Variants in MDGA1 observed in about 807,000 individuals in gnomAD.
The protein encoded by MDGA1 is MAM domain-containing glycosylphosphatidylinositol anchor protein 1.
In MDGA1, 54 loss-of-function variants were observed where a neutral mutation model predicts 101.5. That is an observed-to-expected ratio of 0.53 (90% CI 0.43 to 0.67). MDGA1 has a LOEUF of 0.67. MDGA1 is among the 30% of genes least tolerant of loss of function. MDGA1 has a pLI of 0.00. For missense variants in MDGA1, 1,083 were observed against 1,323.8 expected (o/e 0.82, Z 2.82); for synonymous variants, 533 against 558.3 (o/e 0.95, Z 0.64).
chr6:37,678,259 TCTC>T (rs1430287976), intron 1 of MDGA1, among the ~76,000 whole-genome samples: 1 of 152,132 alleles, frequency 6.6e-6, no homozygotes, highest in African/African-American at 2.4e-5. Flanking sequence ...CCATGACTTT[TCTC>T]CTCCTCCCAC....
At chr6:37,656,564 G>A (rs889688163) in intron 3 of MDGA1, among the ~76,000 whole-genome samples, 4 of 151,734 alleles carry the variant, frequency 2.6e-5, no homozygotes, top group East Asian at 1.9e-4. Context: ...GTACAGACAG[G>A]GTTTCACCAT....
intron 3 of MDGA1, among the ~76,000 whole-genome samples, chr6:37,657,250 A>C (rs1411568080): frequency 6.6e-6 from 1 of 152,218 alleles, no homozygotes; most frequent in Admixed American, 6.5e-5. Flanking sequence ...AGCCCCAGGC[A>C]TCCGTTTTTT....
At chr6:37,673,598 C>T (rs564907441) in intron 1 of MDGA1, among the ~76,000 whole-genome samples, 1 of 152,144 alleles carries the variant, frequency 6.6e-6, no homozygotes, top group African/African-American at 2.4e-5. Context: ...ATTAGCCCTG[C>T]CCTTCTGTGC....
intron 11 of MDGA1, 48 bp from the exon 12 acceptor site, chr6:37,646,004 C>A: frequency 6.2e-7 from 1 of 1,613,668 alleles, no homozygotes; most frequent in Non-Finnish European, 8.5e-7. Flanking sequence ...GTGTGGGGCT[C>A]TGCAGAGGAT....
intron 2 of MDGA1, among the ~76,000 whole-genome samples, chr6:37,661,105 G>C (rs1761613888): frequency 6.6e-6 from 1 of 152,144 alleles, no homozygotes; most frequent in African/African-American, 2.4e-5. Flanking sequence ...GAGATCTTCT[G>C]GTCCTCATTC....
At chr6:37,683,182 T>C (rs1476998064) in intron 1 of MDGA1, among the ~76,000 whole-genome samples, 2 of 152,186 alleles carry the variant, frequency 1.3e-5, no homozygotes, top group African/African-American at 4.8e-5. Context: ...TCCGCAGGTA[T>C]AAGGCATCCT....
chr6:37,657,778 G>C (rs941791709), intron 3 of MDGA1, among the ~76,000 whole-genome samples: 8 of 152,302 alleles, frequency 5.3e-5, no homozygotes, highest in African/African-American at 1.7e-4. Context: ...GCAGCTAGCA[G>C]CTAGGACCTG....
rs1561840571 is a variant in MDGA1, at chr6:37,643,811, A to T, written c.2534T>A (p.Ile845Asn). ...SFFYHMYGKH[I>N]GSLNLLVRSR... ...GACTACCTGGCCCCCCAACTCACCG[A>T]TGTGTTTCCCGTACATGTGGTAGAA... Residue 845 changes from isoleucine to asparagine, a missense_variant and splice_region_variant, in exon 14 of 17, where the codon ATC becomes AAC. Ile to Asn is a moderately radical substitution (Grantham distance 149). This residue lies in a region of MDGA1 where 657 missense variants were observed against 771.4 expected (regional missense o/e 0.85). Transcript: ENST00000434837. 1 of 1,613,812 alleles carries T rather than the reference A, an allele frequency of 6.2e-7. No individual in the cohort carries two copies. Among genetic ancestry groups the T allele is most frequent in the Admixed American group, 1.7e-5 (1 of 60,008 alleles).
intron 1 of MDGA1, among the ~76,000 whole-genome samples, chr6:37,690,036 A>C (rs140177805): frequency 2.0e-5 from 3 of 152,290 alleles, no homozygotes; most frequent in African/African-American, 7.2e-5. Context: ...AAGGCTCCAA[A>C]TGATTGGACC....
Position 37,658,412 on chromosome 6 carries a change from C to T in MDGA1, c.215G>A (p.Trp72Ter), listed in dbSNP as rs776077799. 7.5e-6 allele frequency: 12 copies of T among 1,607,862 alleles called. No individual in the cohort carries two copies. Among genetic ancestry groups the T allele is most frequent in the Non-Finnish European group, 9.3e-6 (11 of 1,177,292 alleles). The change falls in exon 3 of 17, where the codon TGG becomes TAG. Residue 72 changes from tryptophan (W) to a stop codon, truncating the protein, a stop_gained. Transcript: ENST00000434837. LOFTEE classifies it high-confidence loss of function. The part of the protein sequence containing the change: ...VTGHPRPQVR[W>*]TKTAGSASDK... ...CGAGGCGCTACCTGCCGTCTTGGTC[C>T]ACCGTACCTGGGCCGCCAGGCGGGG...
chr6:37,649,117 C>G lies in MDGA1; in HGVS notation c.1759G>C (p.Val587Leu), dbSNP rs1480570259. The change falls in exon 9 of 17, where the codon GTT (valine) becomes CTT (leucine). Residue 587 changes from valine (V) to leucine (L), a missense_variant. By Grantham distance (32) the Val-to-Leu change is conservative. Transcript: ENST00000434837. Reference sequence around the variant, plus strand: ...GGCGCCTCGGCGGCGGCGGGAACAACAGGCGGCGGCGGCAGCAGCTGCCCT... The same window carrying G: ...GGCGCCTCGGCGGCGGCGGGAACAAGAGGCGGCGGCGGCAGCAGCTGCCCT... ...FKGQLLPPPP[V>L]VPAAAEAPDH... 6.6e-7 allele frequency: 1 copy of G among 1,517,518 alleles called. No individual in the cohort carries two copies. Among genetic ancestry groups the G allele is most frequent in the Non-Finnish European group, 8.8e-7 (1 of 1,136,322 alleles). 94.0% of individuals were successfully genotyped at this position (1,517,518 alleles called of 1,614,324 possible).
At chr6:37,677,930 G>A (rs1320743642) in intron 1 of MDGA1, among the ~76,000 whole-genome samples, 1 of 152,164 alleles carries the variant, frequency 6.6e-6, no homozygotes, top group African/African-American at 2.4e-5. Flanking sequence ...GGGGAGATAG[G>A]GGTGCTGCAC....
intron 1 of MDGA1, among the ~76,000 whole-genome samples, chr6:37,664,842 G>GACAGACAGACACACAC (rs1215330966): frequency 1.8e-5 from 1 of 55,228 alleles, no homozygotes; most frequent in Non-Finnish European, 3.2e-5. Context: ...CCTAACCTAA[G>GACAGACAGACACACAC]ACACACACAC....
rs1286930581 is a variant in MDGA1 at position 37,652,194 on chromosome 6, G to T, written c.1129C>A (p.Pro377Thr). The T allele has an allele frequency of 6.2e-7, 1 of 1,614,026 alleles. No individual in the cohort carries two copies. Among genetic ancestry groups the T allele is most frequent in the Non-Finnish European group, 8.5e-7 (1 of 1,179,902 alleles). The change falls in exon 7 of 17, where the codon CCG (proline) becomes ACG (threonine). Residue 377 changes from proline (P) to threonine (T), a missense_variant. Pro to Thr is a conservative substitution (Grantham distance 38). Transcript: ENST00000434837. This position sits in a 1 kb window ranked among gnomAD's most constrained non-coding sequence, Gnocchi z 4.3. ...VTYQWFKNGK[P>T]ARMSKRLLVT... The stretch of plus-strand genomic sequence containing the variant: ...AGCAGCCGCTTGGACATGCGTGCCG[G>T]CTTGCCATTCTTGAACCACTGGTAG...
At chr6:37,680,521 C>T (rs1050984965) in intron 1 of MDGA1, among the ~76,000 whole-genome samples, 1 of 152,240 alleles carries the variant, frequency 6.6e-6, no homozygotes, top group African/African-American at 2.4e-5. Context: ...GGACTAGACA[C>T]CTGGCAGCAC....
At chr6:37,690,375 C>G (rs1762283884) in intron 1 of MDGA1, among the ~76,000 whole-genome samples, 1 of 152,252 alleles carries the variant, frequency 6.6e-6, no homozygotes. Flanking sequence ...AAGTCCAGGT[C>G]TGCCACTTGG....
At chr6:37,687,629 T>G (rs1283735187) in intron 1 of MDGA1, among the ~76,000 whole-genome samples, 4 of 152,092 alleles carry the variant, frequency 2.6e-5, no homozygotes, top group African/African-American at 9.7e-5. Context: ...CTCTGAAATT[T>G]TCACTTTCTT....
rs75581812 is a variant in MDGA1, at chr6:37,661,277, C to T, written c.207+2690G>A. Reference sequence around the variant, plus strand: ...TGCCAGTCTCTTCATGGGCTAGGCTCCTCAACTTCTGCTACCTGCCATCAC... The same window carrying T: ...TGCCAGTCTCTTCATGGGCTAGGCTTCTCAACTTCTGCTACCTGCCATCAC... On this transcript the variant is annotated intron_variant, in intron 2 of 16. Coordinates refer to ENST00000434837, the MANE Select transcript of MDGA1 (RefSeq NM_153487.4). 3.3e-3 allele frequency among the ~76,000 whole-genome samples: 509 copies of T among 152,316 alleles called. 5 individuals carry two copies. Among genetic ancestry groups the T allele is most frequent in the African/African-American group, 0.012 (481 of 41,560 alleles).
Position 37,635,320 on chromosome 6 carries a change from C to T in MDGA1, c.*2048G>A, listed in dbSNP as rs1307885258. ...TGTGCTGGGCACGAGCGGGAGGTGG[C>T]GAAGGTGGAGGGGGGACTTGGAAGG... On this transcript the variant is annotated 3_prime_UTR_variant, in exon 17 of 17. Transcript: ENST00000434837. 3.0e-5 allele frequency: 12 copies of T among 397,370 alleles called. No individual in the cohort carries two copies. Among genetic ancestry groups the T allele is most frequent in the South Asian group, 2.9e-4 (2 of 7,010 alleles). The allele number at this position is 397,370 out of a possible 1,614,324, so 24.6% of individuals were successfully genotyped here.
Sources: gnomAD v4.1 joint callset for allele counts (sites outside exome capture counted in the v4.1 genomes callset) on GRCh38, gnomAD v4.1.1 for gene constraint, gnomAD v4.1.1 regional missense constraint, Gnocchi (gnomAD v3.1) non-coding constraint, MANE v1.5 for transcripts, NCBI Gene and HGNC (gene_info 2026-07-23, HGNC 2026-07-21) for gene names.